Variants in NBEA observed in about 807,000 individuals in gnomAD.
NBEA encodes the protein neurobeachin.
Under a neutral mutation model 343.4 loss-of-function variants are expected in NBEA, and 44 were observed. The observed-to-expected ratio is 0.13, with a 90% CI of 0.10 to 0.16. The LOEUF (loss-of-function observed/expected upper bound fraction) is 0.16. Among genes scored for constraint, NBEA ranks in the 10% least tolerant of loss-of-function variants. NBEA has a pLI of 1.00. For missense variants in NBEA, 2,555 were observed against 3,631.3 expected (o/e 0.70, Z 7.62); for synonymous variants, 1,175 against 1,238.7 (o/e 0.95, Z 1.08).
At chr13:35,600,771 T>C (rs1234178376) in intron 47 of NBEA, among the ~76,000 whole-genome samples, 3 of 152,144 alleles carry the variant, frequency 2.0e-5, no homozygotes, top group Non-Finnish European at 2.9e-5. Context: ...TTCTGATGTA[T>C]GTAAGGTAGC....
intron 49 of NBEA, among the ~76,000 whole-genome samples, chr13:35,629,831 G>A (rs1277392598): frequency 1.3e-5 from 2 of 151,924 alleles, no homozygotes; most frequent in African/African-American, 4.8e-5. Flanking sequence ...ATTCTTTTAA[G>A]GCTAATACCT....
intron 33 of NBEA, among the ~76,000 whole-genome samples, chr13:35,221,336 C>G (rs2074356932): frequency 6.8e-6 from 1 of 146,150 alleles, no homozygotes; most frequent in African/African-American, 2.5e-5. Context: ...GAGTGAGACA[C>G]TATTTCAAAA....
chr13:35,304,221 A>AG (rs1378691969), intron 35 of NBEA, among the ~76,000 whole-genome samples: 2 of 152,184 alleles, frequency 1.3e-5, no homozygotes, highest in African/African-American at 2.4e-5. Flanking sequence ...AACTAAAAAA[A>AG]GAGCAACTCA....
intron 36 of NBEA, among the ~76,000 whole-genome samples, chr13:35,323,738 T>G: frequency 6.6e-6 from 1 of 151,922 alleles, no homozygotes; most frequent in South Asian, 2.1e-4. Context: ...ATAAATAAAA[T>G]AAAATATATC....
At chr13:35,574,018 G>A (rs1021323075) in intron 45 of NBEA, among the ~76,000 whole-genome samples, 1 of 152,074 alleles carries the variant, frequency 6.6e-6, no homozygotes, top group Non-Finnish European at 1.5e-5. Flanking sequence ...AACACATGAA[G>A]ATTTAAGATG....
intron 10 of NBEA, among the ~76,000 whole-genome samples, chr13:35,072,418 T>C (rs1371609821): frequency 1.3e-5 from 2 of 152,144 alleles, no homozygotes; most frequent in African/African-American, 4.8e-5. Context: ...TATTTCATCG[T>C]GGAGATAAAA....
intron 10 of NBEA, among the ~76,000 whole-genome samples, chr13:35,077,838 A>G (rs1396796568): frequency 6.6e-6 from 1 of 152,130 alleles, no homozygotes. Context: ...CCAAACCCAA[A>G]TTCCTATATA....
chr13:35,020,458 G>T (rs1437717550), intron 1 of NBEA, among the ~76,000 whole-genome samples: 1 of 152,114 alleles, frequency 6.6e-6, no homozygotes, highest in Admixed American at 6.5e-5. Flanking sequence ...ATTTTCTGCT[G>T]TTGGATGGTA....
At chr13:35,537,817 G>A (rs2078631519) in intron 41 of NBEA, among the ~76,000 whole-genome samples, 1 of 152,158 alleles carries the variant, frequency 6.6e-6, no homozygotes, top group Non-Finnish European at 1.5e-5. Context: ...GGGCAAAGTG[G>A]AACCTGATTC....
chr13:35,325,029 A>C (rs1004964360), intron 36 of NBEA, among the ~76,000 whole-genome samples: 6 of 152,260 alleles, frequency 3.9e-5, no homozygotes, highest in Middle Eastern at 3.4e-3. Flanking sequence ...ATATTATTTA[A>C]ATAGTCAAAG....
intron 1 of NBEA, among the ~76,000 whole-genome samples, chr13:35,029,049 T>C (rs2062111084): frequency 6.6e-6 from 1 of 151,656 alleles, no homozygotes; most frequent in Admixed American, 6.6e-5. Flanking sequence ...TGGGCTTCTT[T>C]CTTTTTGTTT....
chr13:35,461,608 T>C (rs1353393607), intron 40 of NBEA, among the ~76,000 whole-genome samples: 1 of 152,206 alleles, frequency 6.6e-6, no homozygotes, highest in African/African-American at 2.4e-5. Flanking sequence ...ACAATTTTCC[T>C]AGTATCAAAT....
intron 40 of NBEA, among the ~76,000 whole-genome samples, chr13:35,469,149 A>G (rs1454578861): frequency 6.6e-6 from 1 of 151,130 alleles, no homozygotes; most frequent in Non-Finnish European, 1.5e-5. Context: ...CCAAAATGTC[A>G]GCATATTATT....
chr13:35,285,630 A>G (rs1384690126), intron 34 of NBEA, among the ~76,000 whole-genome samples: 1 of 152,160 alleles, frequency 6.6e-6, no homozygotes, highest in Non-Finnish European at 1.5e-5. Flanking sequence ...AGTTTGTCTC[A>G]TTACAGAATG....
rs190699895 is a variant in NBEA, at chr13:35,008,274, C to T, written c.295-32659C>T. Among the ~76,000 whole-genome samples, 221 of 152,236 alleles carry T rather than the reference C, an allele frequency of 1.5e-3. 1 individual carries two copies. Among genetic ancestry groups the T allele is most frequent in the African/African-American group, 5.0e-3 (208 of 41,542 alleles). On this transcript the variant is annotated intron_variant, in intron 1 of 58. Coordinates refer to ENST00000379939, the MANE Select transcript of NBEA (RefSeq NM_001385012.1). ...TAGTATACAATTTTCCCTTCGTATC[C>T]TTGGGAGATTAGTTTCAGGACCTCC...
At chr13:35,663,912 G>T (rs1166688968) in intron 55 of NBEA, among the ~76,000 whole-genome samples, 1 of 152,214 alleles carries the variant, frequency 6.6e-6, no homozygotes, top group Admixed American at 6.5e-5. Flanking sequence ...CAAAATTGGA[G>T]CTGATGGGTC....
intron 34 of NBEA, among the ~76,000 whole-genome samples, chr13:35,239,486 A>T (rs1264118471): frequency 6.6e-6 from 1 of 152,112 alleles, no homozygotes; most frequent in Non-Finnish European, 1.5e-5. Flanking sequence ...GTAATGTTGG[A>T]TAAAGCTGCT....
At chr13:35,515,749 GTT>G (rs35118232) in intron 41 of NBEA, among the ~76,000 whole-genome samples, 2,492 of 149,250 alleles carry the variant, frequency 0.017, 52 homozygotes, top group African/African-American at 0.034. Context: ...GTAGTAACTG[GTT>G]TTTTTTTTTT....
chr13:35,007,351 T>G (rs1026781245), intron 1 of NBEA, among the ~76,000 whole-genome samples: 1 of 152,208 alleles, frequency 6.6e-6, no homozygotes, highest in Admixed American at 6.5e-5. Context: ...TGTATTCTAG[T>G]TCACTCATTA....
Sources: gnomAD v4.1 joint callset for allele counts (sites outside exome capture counted in the v4.1 genomes callset) on GRCh38, gnomAD v4.1.1 for gene constraint, MANE v1.5 for transcripts, NCBI Gene and HGNC (gene_info 2026-07-23, HGNC 2026-07-21) for gene names.